The following TLL1 variants were observed in gnomAD, a reference collection of about 807,000 sequenced individuals.
TLL1 encodes tolloid-like protein 1.
TLL1 carries 49 observed loss-of-function variants against 128.2 expected under a neutral mutation model. That is an observed-to-expected ratio of 0.38 (90% CI 0.30 to 0.48). TLL1 has a LOEUF of 0.48. TLL1 is among the 20% of genes least tolerant of loss of function. The probability of loss-of-function intolerance (pLI) is 0.96; values close to 1 mark genes in which losing one functional copy is unlikely to be tolerated. For synonymous variants in TLL1, 454 were observed against 418.8 expected, an observed-to-expected ratio of 1.08 and a Z score of -1.03; for missense variants, 1,123 against 1,242.0, an observed-to-expected ratio of 0.90 and a Z score of 1.44.
At chr4:165,923,500 C>T (rs1381645701) in intron 1 of TLL1, among the ~76,000 whole-genome samples, 1 of 128,780 alleles carries the variant, frequency 7.8e-6, no homozygotes, top group Non-Finnish European at 1.5e-5. Context: ...ACGATCTCGG[C>T]TCACTGCAAG....
chr4:166,002,072 C>G (rs1462628803), intron 5 of TLL1, among the ~76,000 whole-genome samples: 2 of 152,106 alleles, frequency 1.3e-5, no homozygotes, highest in Non-Finnish European at 2.9e-5. Flanking sequence ...GACTGGGTGG[C>G]TTTTAAACAA....
intron 1 of TLL1, among the ~76,000 whole-genome samples, chr4:165,878,135 A>G (rs1048865726): frequency 2.0e-5 from 3 of 152,098 alleles, no homozygotes; most frequent in Admixed American, 6.5e-5. Context: ...TCTAGGTAAC[A>G]TTGCCTCATT....
chr4:165,920,806 C>T (rs1579488564), intron 1 of TLL1, among the ~76,000 whole-genome samples: 1 of 152,042 alleles, frequency 6.6e-6, no homozygotes, highest in East Asian at 1.9e-4. Context: ...AACTTTAGAA[C>T]ATTTTGCATA....
At position 165,908,869 on chromosome 4, in the gene TLL1, G is replaced by A. The variant is rs139606895; in HGVS notation, c.169+34796G>A. Among the ~76,000 whole-genome samples, 359 of 152,200 alleles carry A rather than the reference G, an allele frequency of 2.4e-3. 2 individuals carry two copies. In the East Asian group the frequency reaches 0.043, roughly 18 times the overall value. On this transcript the variant is annotated intron_variant, in intron 1 of 20. Transcript: ENST00000061240. ...GGATTCTGGATGTATTTTGAAGGTA[G>A]AGCCAACTGGATATGTTGATGAACT...
chr4:165,894,184 G>A (rs971734729), intron 1 of TLL1, among the ~76,000 whole-genome samples: 1 of 152,094 alleles, frequency 6.6e-6, no homozygotes, highest in African/African-American at 2.4e-5. Flanking sequence ...AGTGAAAACA[G>A]TAGATCTGTG....
Position 165,873,318 on chromosome 4 carries a change from T to C in TLL1, c.-587T>C, listed in dbSNP as rs900489144. ...CTGGCTTCTGCAGGCTTTTAAGGTCTCGCGGCGTAGAAATGCCTGGCCCCC... is the reference window on the plus strand; with the variant it reads ...CTGGCTTCTGCAGGCTTTTAAGGTCCCGCGGCGTAGAAATGCCTGGCCCCC... On this transcript the variant is annotated 5_prime_UTR_variant, in exon 1 of 21. Coordinates refer to ENST00000061240, the MANE Select transcript of TLL1 (RefSeq NM_012464.5). 3 of 153,582 alleles carry C rather than the reference T, an allele frequency of 2.0e-5. No individual in the cohort carries two copies. In the East Asian group the frequency reaches 5.7e-4, roughly 29 times the overall value. 9.5% of individuals were successfully genotyped at this position (153,582 alleles called of 1,614,324 possible).
At chr4:166,053,341 G>A (rs1189333171) in intron 12 of TLL1, 2 of 151,944 alleles carry the variant, frequency 1.3e-5, no homozygotes, top group East Asian at 1.9e-4. Context: ...TTTTTCCATT[G>A]AATTTATGAC....
intron 18 of TLL1, among the ~76,000 whole-genome samples, chr4:166,089,768 A>T (rs1014185010): frequency 5.9e-5 from 9 of 152,172 alleles, no homozygotes; most frequent in Admixed American, 4.6e-4. Flanking sequence ...ATTGGTTATA[A>T]TTTTTTTTAT....
chr4:165,885,917 A>C (rs143398159), intron 1 of TLL1, among the ~76,000 whole-genome samples: 23 of 152,272 alleles, frequency 1.5e-4, no homozygotes, highest in African/African-American at 5.5e-4. Flanking sequence ...ACTTGAATAT[A>C]TCCTTGAAAA....
chr4:166,052,965 G>GTGTATATATATATATA lies in TLL1; in HGVS notation c.1525-2110_1525-2109insGTATATATATATATAT. 1.0e-3 allele frequency among the ~76,000 whole-genome samples: 102 copies of GTGTATATATATATATA among 99,688 alleles called. 13 individuals are homozygous for GTGTATATATATATATA. Among genetic ancestry groups the GTGTATATATATATATA allele is most frequent in the African/African-American group, 9.9e-4 (26 of 26,274 alleles). 65.4% of individuals were successfully genotyped at this position (99,688 alleles called of 152,430 possible). A position where few individuals can be genotyped will look rare whatever the true frequency, so the allele number is the denominator to read the frequency against. Reference sequence around the variant, plus strand: ...TAAAGACTGAGATAAGAGGTTATGTGTATATATATATATATATTTGGCCAA... The same window carrying GTGTATATATATATATA: ...TAAAGACTGAGATAAGAGGTTATGTGTGTATATATATATATATATATATATATATATATTTGGCCAA... On this transcript the variant is annotated intron_variant, in intron 12 of 20. Transcript: ENST00000061240.
At chr4:166,055,670 T>A (rs905059751) in intron 13 of TLL1, among the ~76,000 whole-genome samples, 1 of 152,172 alleles carries the variant, frequency 6.6e-6, no homozygotes, top group African/African-American at 2.4e-5. Context: ...TTCCCCCACA[T>A]TGAAAATAAT....
intron 1 of TLL1, 139 bp downstream of exon 1, chr4:165,874,212 T>C: frequency 9.5e-7 from 1 of 1,056,048 alleles, no homozygotes; most frequent in Non-Finnish European, 1.4e-6. Context: ...TCCCCCTCCT[T>C]TTCCTTCCCT....
At chr4:165,917,286 C>T (rs1234334693) in intron 1 of TLL1, among the ~76,000 whole-genome samples, 1 of 152,114 alleles carries the variant, frequency 6.6e-6, no homozygotes, top group African/African-American at 2.4e-5. Context: ...GTGATTTCTC[C>T]ATTACTCTTG....
Position 165,873,806 on chromosome 4 carries a change from G to T in TLL1, c.-99G>T. 7.1e-7 allele frequency: 1 copy of T among 1,399,268 alleles called. No homozygotes were observed. The highest frequency in any genetic ancestry group is 1.0e-6 in the Non-Finnish European group (1 of 998,142). 86.7% of individuals were successfully genotyped at this position (1,399,268 alleles called of 1,614,324 possible). A position where few individuals can be genotyped will look rare whatever the true frequency, so the allele number is the denominator to read the frequency against. ...GGTCCCGCCGAGGAGCCTCCGGGTG[G>T]GGAGAAGAGCACCGGTGCCCCTAGC... On this transcript the variant is annotated 5_prime_UTR_variant, in exon 1 of 21. Transcript: ENST00000061240.
intron 9 of TLL1, among the ~76,000 whole-genome samples, chr4:166,033,228 G>A (rs1738853370): frequency 2.0e-5 from 3 of 152,120 alleles, no homozygotes; most frequent in South Asian, 2.1e-4. Context: ...AATTATCTGA[G>A]TGTGTGCAAA....
At chr4:165,953,121 T>G (rs1734605366) in intron 1 of TLL1, among the ~76,000 whole-genome samples, 1 of 152,104 alleles carries the variant, frequency 6.6e-6, no homozygotes, top group Non-Finnish European at 1.5e-5. Context: ...ATACAAAAAG[T>G]ATTAGGTTTG....
chr4:165,953,864 C>T (rs1296189205), intron 1 of TLL1, among the ~76,000 whole-genome samples: 1 of 151,778 alleles, frequency 6.6e-6, no homozygotes, highest in Non-Finnish European at 1.5e-5. Flanking sequence ...GGTTCTAAGC[C>T]CAAGAAGGGA....
Position 166,043,264 on chromosome 4 carries a change from C to T in TLL1, c.1379-10C>T, listed in dbSNP as rs59737132. ...GCTTAGTTATTTGTTTATTTTTTGG[C>T]TTTCTTCAGCGATCTGTGGAGGTGA... On this transcript the variant is annotated splice_polypyrimidine_tract_variant and intron_variant, in intron 11 of 20. Coordinates refer to ENST00000061240, the MANE Select transcript of TLL1 (RefSeq NM_012464.5). The T allele has an allele frequency of 6.2e-7, 1 of 1,613,926 alleles. No individual in the cohort carries two copies. The highest frequency in any genetic ancestry group is 8.5e-7 in the Non-Finnish European group (1 of 1,179,922).
chr4:166,031,480 GC>G (rs1481547736), intron 9 of TLL1, among the ~76,000 whole-genome samples: 1 of 146,412 alleles, frequency 6.8e-6, no homozygotes, highest in Non-Finnish European at 1.5e-5. Flanking sequence ...CAATTCTTGT[GC>G]CTCAGCCTCT....
Sources: allele counts gnomAD v4.1 joint callset (sites outside exome capture counted in the v4.1 genomes callset), GRCh38; gene constraint gnomAD v4.1.1; transcripts MANE v1.5; gene names NCBI Gene and HGNC (gene_info 2026-07-23, HGNC 2026-07-21).